Variants in CLN6 observed in about 807,000 individuals in gnomAD.
CLN6 encodes the protein ceroid-lipofuscinosis neuronal protein 6.
In CLN6, 22 loss-of-function variants were observed where a neutral mutation model predicts 33.3. That is an observed-to-expected ratio of 0.66 (90% CI 0.47 to 0.94). The LOEUF is 0.94. CLN6 is among the 40% of genes least tolerant of loss of function. The pLI is 0.00. For synonymous variants in CLN6, 201 were observed against 174.6 expected, an observed-to-expected ratio of 1.15 and a Z score of -1.19; for missense variants, 387 against 417.1, an observed-to-expected ratio of 0.93 and a Z score of 0.63.
At position 68,211,499 on chromosome 15, in the gene CLN6, A is replaced by G. The variant is rs559746083; in HGVS notation, c.486+176T>C. 18 of 1,574,248 alleles carry G rather than the reference A, an allele frequency of 1.1e-5. No individual in the cohort carries two copies. In the Admixed American group the frequency reaches 3.1e-4, roughly 27 times the overall value. The stretch of plus-strand genomic sequence containing the variant: ...GGCCCAGGTGGGAGGCAGTCTGTGC[A>G]CCACTTCCTAAGAACACTTGAGCAT... On this transcript the variant is annotated intron_variant, in intron 4 of 6. Coordinates refer to ENST00000249806, the MANE Select transcript of CLN6 (RefSeq NM_017882.3). This position sits in a 1 kb window ranked among gnomAD's most constrained non-coding sequence, Gnocchi z 5.9.
intron 1 of CLN6, among the ~76,000 whole-genome samples, chr15:68,240,340 G>A (rs972341824): frequency 7.2e-5 from 11 of 152,232 alleles, no homozygotes; most frequent in African/African-American, 2.2e-4. Flanking sequence ...GCTCACGCCT[G>A]TAATCTCAGC....
Position 68,209,872 on chromosome 15 carries a change from G to C in CLN6, c.543-113C>G. The C allele has an allele frequency of 6.8e-7, 1 of 1,471,886 alleles. No individual in the cohort carries two copies. Among genetic ancestry groups the C allele is most frequent in the Non-Finnish European group, 9.4e-7 (1 of 1,065,020 alleles). The allele number at this position is 1,471,886 out of a possible 1,614,324, so 91.2% of individuals were successfully genotyped here. On this transcript the variant is annotated intron_variant, in intron 5 of 6. Coordinates refer to ENST00000249806, the MANE Select transcript of CLN6 (RefSeq NM_017882.3). The surrounding 1 kb of genome is among the most constrained non-coding windows in gnomAD (Gnocchi z 4.9). ...AGTGCCACGTCACAGTTTACAAAAC[G>C]CCTAGCCTGGGTGAGAGGCGCTCCT...
chr15:68,219,633 T>A lies in CLN6; in HGVS notation c.84-983A>T, dbSNP rs1278108181. Among the ~76,000 whole-genome samples, 1 of 152,086 alleles carries A rather than the reference T, an allele frequency of 6.6e-6. No homozygotes were observed. Among genetic ancestry groups the A allele is most frequent in the Non-Finnish European group, 1.5e-5 (1 of 68,026 alleles). On this transcript the variant is annotated intron_variant, in intron 1 of 6. Transcript: ENST00000249806. This position sits in a 1 kb window ranked among gnomAD's most constrained non-coding sequence, Gnocchi z 4.2. ...CCCCACCAGCCCACTGCAGGGAGCATTTCAACGCCAACCCAGTCTGGCATA... is the reference window on the plus strand; with the variant it reads ...CCCCACCAGCCCACTGCAGGGAGCAATTCAACGCCAACCCAGTCTGGCATA...
In CLN6 at chr15:68,236,387, AT is replaced by A. The variant is rs1892220148; in HGVS notation, c.180-17738del. Reference sequence around the variant, plus strand: ...CCATCAACTTGTAAATAAATAAATTATGGTATACAAATTCAGTGGACTATTA... The same window carrying A: ...CCATCAACTTGTAAATAAATAAATTAGGTATACAAATTCAGTGGACTATTA... On this transcript the variant is annotated intron_variant, in intron 1 of 6. Coordinates refer to the CLN6 transcript ENST00000538696. This position sits in a 1 kb window ranked among gnomAD's most constrained non-coding sequence, Gnocchi z 4.5. 6.6e-6 allele frequency among the ~76,000 whole-genome samples: 1 copy of A among 152,250 alleles called. No homozygotes were observed. The highest frequency in any genetic ancestry group is 2.4e-5 in the African/African-American group (1 of 41,478).
chr15:68,234,643 TAGG>T (rs903408138), upstream of CLN6, among the ~76,000 whole-genome samples: 2 of 152,196 alleles, frequency 1.3e-5, no homozygotes, highest in Non-Finnish European at 2.9e-5. This position sits in a 1 kb window ranked among gnomAD's most constrained non-coding sequence, Gnocchi z 4.1. Context: ...TGCTGAGAGC[TAGG>T]AGAAGCTGAG....
intron 1 of CLN6, among the ~76,000 whole-genome samples, chr15:68,237,018 G>C (rs1249083952): frequency 6.6e-6 from 1 of 151,212 alleles, no homozygotes; most frequent in Non-Finnish European, 1.5e-5. Context: ...TTAGCCGGGC[G>C]CGGTGGCGGG....
upstream of CLN6, among the ~76,000 whole-genome samples, chr15:68,231,813 A>G (rs2093269054): frequency 6.6e-6 from 1 of 152,156 alleles, no homozygotes; most frequent in South Asian, 2.1e-4. Flanking sequence ...CAAGATGAGA[A>G]TTCTCCCTGT....
Position 68,211,163 on chromosome 15 carries a change from C to T in CLN6, c.542+100G>A, listed in dbSNP as rs565921239. 8 of 993,792 alleles carry T rather than the reference C, an allele frequency of 8.0e-6. No individual in the cohort carries two copies. Among genetic ancestry groups the T allele is most frequent in the East Asian group, 4.7e-5 (2 of 42,108 alleles). The allele number at this position is 993,792 out of a possible 1,614,324, so 61.6% of individuals were successfully genotyped here. A position where few individuals can be genotyped will look rare whatever the true frequency, so the allele number is the denominator to read the frequency against. On this transcript the variant is annotated intron_variant, in intron 5 of 6. Coordinates refer to ENST00000249806, the MANE Select transcript of CLN6 (RefSeq NM_017882.3). This position sits in a 1 kb window ranked among gnomAD's most constrained non-coding sequence, Gnocchi z 5.9. ...GGGGATGAGACTCAACACATGGAGA[C>T]CCGCAGCCCAGACAGCCTTGCTCAG...
chr15:68,254,718 C>T, intron 1 of CLN6: 1 of 751,334 alleles, frequency 1.3e-6, no homozygotes, highest in Non-Finnish European at 2.4e-6. Context: ...ACGAGGTTTT[C>T]TGCTAAACCT....
chr15:68,252,406 C>T (rs1474002658), intron 1 of CLN6, among the ~76,000 whole-genome samples: 1 of 152,162 alleles, frequency 6.6e-6, no homozygotes, highest in African/African-American at 2.4e-5. Flanking sequence ...CATTGACAAT[C>T]AGGTAAATAT....
chr15:68,211,503 C>T lies in CLN6; in HGVS notation c.486+172G>A. 1 of 1,580,178 alleles carries T rather than the reference C, an allele frequency of 6.3e-7. No individual in the cohort carries two copies. Among genetic ancestry groups the T allele is most frequent in the South Asian group, 1.1e-5 (1 of 88,088 alleles). On this transcript the variant is annotated intron_variant, in intron 4 of 6. Coordinates refer to ENST00000249806, the MANE Select transcript of CLN6 (RefSeq NM_017882.3). This position sits in a 1 kb window ranked among gnomAD's most constrained non-coding sequence, Gnocchi z 5.9. ...CAGGTGGGAGGCAGTCTGTGCACCA[C>T]TTCCTAAGAACACTTGAGCATCCTA...
chr15:68,224,220 C>T (rs1482065488), intron 1 of CLN6, among the ~76,000 whole-genome samples: 1 of 135,888 alleles, frequency 7.4e-6, no homozygotes, highest in Admixed American at 8.6e-5. Flanking sequence ...GAGCTATGAC[C>T]GTACCACTGC....
intron 1 of CLN6, among the ~76,000 whole-genome samples, chr15:68,240,433 A>G (rs1175868208): frequency 1.3e-5 from 2 of 151,798 alleles, no homozygotes; most frequent in Non-Finnish European, 2.9e-5. Flanking sequence ...CTCTGTCTCT[A>G]CTAAAAATAC....
At chr15:68,254,173 C>T (rs1892409034) in intron 1 of CLN6, among the ~76,000 whole-genome samples, 1 of 152,114 alleles carries the variant, frequency 6.6e-6, no homozygotes, top group East Asian at 1.9e-4. Flanking sequence ...GCCACCGCGC[C>T]CGGCCAAAAC....
intron 1 of CLN6, among the ~76,000 whole-genome samples, chr15:68,221,801 C>A (rs557378997): frequency 6.9e-6 from 1 of 145,098 alleles, no homozygotes; most frequent in African/African-American, 2.6e-5. Context: ...TCTGCCCGGC[C>A]GCCCCGTCTG....
At chr15:68,233,320 T>C (rs2141158661), upstream of CLN6, among the ~76,000 whole-genome samples, 1 of 151,586 alleles carries the variant, frequency 6.6e-6, no homozygotes, top group South Asian at 2.1e-4. This position sits in a 1 kb window ranked among gnomAD's most constrained non-coding sequence, Gnocchi z 4.3. Flanking sequence ...GGGGGGGTGG[T>C]GCCCTGAGTG....
intron 1 of CLN6, among the ~76,000 whole-genome samples, chr15:68,248,652 CA>C (rs34923729): frequency 0.5 from 52,119 of 103,822 alleles, 9,659 homozygotes; most frequent in Non-Finnish European, 0.55. Context: ...GACTCCGTCT[CA>C]AAAAAAAAAA....
In CLN6 at chr15:68,211,431, C is replaced by G. The variant is rs919844747; in HGVS notation, c.487-113G>C. On this transcript the variant is annotated intron_variant, in intron 4 of 6. Coordinates refer to ENST00000249806, the MANE Select transcript of CLN6 (RefSeq NM_017882.3). The surrounding 1 kb of genome is among the most constrained non-coding windows in gnomAD (Gnocchi z 5.9). Reference sequence around the variant, plus strand: ...CCTTCTCCCAGTCCCAGGCCTCCCCCACTGCCTTATTCCCTACCCGGGGCC... The same window carrying G: ...CCTTCTCCCAGTCCCAGGCCTCCCCGACTGCCTTATTCCCTACCCGGGGCC... 7.2e-6 allele frequency: 11 copies of G among 1,535,516 alleles called. No individual in the cohort carries two copies. The Admixed American group carries it at 1.9e-4, about 26-fold the overall frequency.
In CLN6 at chr15:68,207,818, T is replaced by C. The variant is rs1022123027; in HGVS notation, c.*322A>G. On this transcript the variant is annotated 3_prime_UTR_variant, in exon 7 of 7. Transcript: ENST00000249806. Reference sequence around the variant, plus strand: ...ATGTCCGGGAAGAACAGACTAGCCCTGAGTAGGGAGTGTGGTCAGGTGCAG... The same window carrying C: ...ATGTCCGGGAAGAACAGACTAGCCCCGAGTAGGGAGTGTGGTCAGGTGCAG... The C allele has an allele frequency of 2.4e-5, 10 of 415,266 alleles. No homozygotes were observed. The highest frequency in any genetic ancestry group is 4.1e-5 in the Non-Finnish European group (9 of 220,648). The allele number at this position is 415,266 out of a possible 1,614,324, so 25.7% of individuals were successfully genotyped here.
Sources: gnomAD v4.1 joint callset for allele counts (sites outside exome capture counted in the v4.1 genomes callset) on GRCh38, gnomAD v4.1.1 for gene constraint, Gnocchi (gnomAD v3.1) non-coding constraint, MANE v1.5 for transcripts, NCBI Gene and HGNC (gene_info 2026-07-23, HGNC 2026-07-21) for gene names.